Variants in MEG3 observed in about 807,000 individuals in gnomAD.
The protein encoded by MEG3 is Very putative protein from MEG3 locus.
Position 100,845,368 on chromosome 14 carries a change from C to T in MEG3, n.3046-90C>T. On this transcript the variant is annotated intron_variant and non_coding_transcript_variant, in intron 2 of 3. Transcript: ENST00000398461. This position sits in a 1 kb window ranked among gnomAD's most constrained non-coding sequence, Gnocchi z 5.2. ...CTCTGCTCCAGGCCACCCCTGCCCG[C>T]CCCCCAGAGCTGTTGTCCTCATCCG... is the stretch of plus-strand genomic sequence containing the variant. The T allele has an allele frequency of 2.7e-6, 1 of 372,552 alleles. No individual in the cohort carries two copies. The highest frequency in any genetic ancestry group is 1.9e-5 in the South Asian group (1 of 52,080). The allele number at this position is 372,552 out of a possible 1,614,324, so 23.1% of individuals were successfully genotyped here. A position where few individuals can be genotyped will look rare whatever the true frequency, so the allele number is the denominator to read the frequency against.
chr14:100,859,207 A>G (rs1163713866), exon 1 of MEG3: 2 of 152,246 alleles, frequency 1.3e-5, no homozygotes, highest in African/African-American at 4.8e-5. Context: ...GCGTACGCGC[A>G]TTTGTTTAAA....
chr14:100,836,105 T>G, intron 1 of MEG3: 1 of 406,714 alleles, frequency 2.5e-6, no homozygotes, highest in Admixed American at 3.3e-5. Context: ...CTTTCTTCGG[T>G]GTGTTTGGCT....
intron 3 of MEG3, chr14:100,851,751 C>T (rs1011708887): frequency 2.6e-5 from 4 of 152,764 alleles, no homozygotes; most frequent in Admixed American, 2.6e-4. Flanking sequence ...TGTAACTTGG[C>T]GGGATTGCGT....
chr14:100,850,975 A>T (rs1018491005), intron 3 of MEG3: 28 of 152,420 alleles, frequency 1.8e-4, no homozygotes, highest in African/African-American at 6.8e-4. Context: ...GGGTGGCTGT[A>T]GGCATGTCAT....
chr14:100,860,966 G>A (rs2038388918), exon 2 of MEG3: 2 of 316,788 alleles, frequency 6.3e-6, no homozygotes, highest in Admixed American at 9.0e-5. Context: ...CGGTTCCAAA[G>A]CACAGGGCTT....
At chr14:100,832,173 A>T (rs912492206), downstream of MEG3, 4 of 152,160 alleles carry the variant, frequency 2.6e-5, no homozygotes, top group African/African-American at 9.7e-5. Context: ...AAACACATCC[A>T]AAGACGGTTT....
rs753043472 is a variant in MEG3, at chr14:100,842,126, C to T, written n.3046-3332C>T. 1.3e-4 allele frequency among the ~76,000 whole-genome samples: 20 copies of T among 152,172 alleles called. 1 individual carries two copies. The highest frequency in any genetic ancestry group is 2.5e-4 in the Non-Finnish European group (17 of 68,032). On this transcript the variant is annotated intron_variant and non_coding_transcript_variant, in intron 2 of 3. Coordinates refer to the MEG3 transcript ENST00000398461. Reference sequence around the variant, plus strand: ...GGCTGGGCCTGCACCTGGTTATTACCGTGGTGGGCTGCAGCTTTTGTTTTG... The same window carrying T: ...GGCTGGGCCTGCACCTGGTTATTACTGTGGTGGGCTGCAGCTTTTGTTTTG...
chr14:100,831,517 G>A (rs1451634336), downstream of MEG3: 1 of 152,648 alleles, frequency 6.6e-6, no homozygotes, highest in Non-Finnish European at 1.5e-5. Flanking sequence ...TCTACTCCGT[G>A]GAAGCACGCT....
At chr14:100,832,658 C>A (rs966703789), downstream of MEG3, 1 of 152,590 alleles carries the variant, frequency 6.6e-6, no homozygotes. Context: ...TGGCCACCGC[C>A]GGGCCGGGGC....
intron 2 of MEG3, among the ~76,000 whole-genome samples, chr14:100,838,529 T>C (rs2037657440): frequency 6.6e-6 from 1 of 152,148 alleles, no homozygotes. Flanking sequence ...TCAGGAAAAT[T>C]CTATTTTGAT....
In MEG3 at chr14:100,837,527, C is replaced by T. The variant is rs1460263946; in HGVS notation, n.3045+1227C>T. Among the ~76,000 whole-genome samples the T allele has an allele frequency of 6.6e-6, 1 of 152,062 alleles. No individual in the cohort carries two copies. The highest frequency in any genetic ancestry group is 6.5e-5 in the Admixed American group (1 of 15,276). Reference sequence around the variant, plus strand: ...CTAGCACTGTCCTTGGCCCAGATGCCAATACTCCCCTCTGGACGCCCACGA... The same window carrying T: ...CTAGCACTGTCCTTGGCCCAGATGCTAATACTCCCCTCTGGACGCCCACGA... On this transcript the variant is annotated intron_variant and non_coding_transcript_variant, in intron 2 of 3. Transcript: ENST00000398461. The surrounding 1 kb of genome is among the most constrained non-coding windows in gnomAD (Gnocchi z 5.8).
In MEG3 at chr14:100,845,514, C is replaced by G; in HGVS notation, n.3102C>G. 1 of 456,770 alleles carries G rather than the reference C, an allele frequency of 2.2e-6. No individual in the cohort carries two copies. The allele number at this position is 456,770 out of a possible 1,614,324, so 28.3% of individuals were successfully genotyped here. A position where few individuals can be genotyped will look rare whatever the true frequency, so the allele number is the denominator to read the frequency against. ...AGGGACCTCGAATGTGGGACCCCAGCCCCTCTCCAGCTCGAAATCGTAAGT... is the reference window on the plus strand; with the variant it reads ...AGGGACCTCGAATGTGGGACCCCAGGCCCTCTCCAGCTCGAAATCGTAAGT... On this transcript the variant is annotated non_coding_transcript_exon_variant, in exon 3 of 4. Coordinates refer to the MEG3 transcript ENST00000398461. This position sits in a 1 kb window ranked among gnomAD's most constrained non-coding sequence, Gnocchi z 5.2.
intron 2 of MEG3, among the ~76,000 whole-genome samples, chr14:100,839,217 A>C (rs978977225): frequency 6.6e-6 from 1 of 152,170 alleles, no homozygotes; most frequent in Non-Finnish European, 1.5e-5. Flanking sequence ...GTTAAAGGGC[A>C]GTGGACAATG....
At chr14:100,834,790 A>G (rs2037509571) in exon 1 of MEG3, 1 of 456,704 alleles carries the variant, frequency 2.2e-6, no homozygotes, top group Non-Finnish European at 4.4e-6. Context: ...CAGCTGAGCC[A>G]CTAGCTGGGC....
intron 3 of MEG3, chr14:100,848,813 G>A (rs1306212085): frequency 6.6e-6 from 1 of 152,172 alleles, no homozygotes; most frequent in East Asian, 1.9e-4. Context: ...TGGGAAAATT[G>A]GAAGAACGAG....
At chr14:100,832,638 T>C (rs1389690022), downstream of MEG3, 1 of 152,614 alleles carries the variant, frequency 6.6e-6, no homozygotes, top group Non-Finnish European at 1.5e-5. Context: ...ATTATCATAA[T>C]GAGGTGAACT....
intron 2 of MEG3, among the ~76,000 whole-genome samples, chr14:100,843,403 G>A (rs976122646): frequency 6.6e-6 from 1 of 152,146 alleles, no homozygotes; most frequent in African/African-American, 2.4e-5. Flanking sequence ...CTCGGAGGGA[G>A]GGTGGGAAAC....
rs577501386 is a variant in MEG3, at chr14:100,851,981, C to A, written n.3121+6448C>A. Reference sequence around the variant, plus strand: ...AGTCTCCCTTGTTGACCTCTCAATTCCTATTTGGGACATATAAAAACACTG... The same window carrying A: ...AGTCTCCCTTGTTGACCTCTCAATTACTATTTGGGACATATAAAAACACTG... On this transcript the variant is annotated intron_variant and non_coding_transcript_variant, in intron 3 of 3. Transcript: ENST00000398461. The A allele has an allele frequency of 4.0e-5, 8 of 198,032 alleles. No individual in the cohort carries two copies. In the South Asian group the frequency reaches 5.8e-4, roughly 14 times the overall value. The allele number at this position is 198,032 out of a possible 1,614,324, so 12.3% of individuals were successfully genotyped here. A position where few individuals can be genotyped will look rare whatever the true frequency, so the allele number is the denominator to read the frequency against.
intron 2 of MEG3, among the ~76,000 whole-genome samples, chr14:100,840,683 A>G (rs1324754217): frequency 6.6e-6 from 1 of 152,200 alleles, no homozygotes; most frequent in African/African-American, 2.4e-5. Flanking sequence ...TCACGCTCTT[A>G]GATTCTAGGG....
Sources: allele counts gnomAD v4.1 joint callset (sites outside exome capture counted in the v4.1 genomes callset), GRCh38; gene constraint gnomAD v4.1.1; non-coding constraint Gnocchi (gnomAD v3.1); transcripts MANE v1.5; gene names NCBI Gene and HGNC (gene_info 2026-07-23, HGNC 2026-07-21).